Variants in CALD1 observed in about 807,000 individuals in gnomAD.
The protein encoded by CALD1 is caldesmon.
CALD1 carries 33 observed loss-of-function variants against 99.9 expected under a neutral mutation model. The observed-to-expected ratio is 0.33, with a 90% CI of 0.25 to 0.44. The LOEUF is 0.44. Among genes scored for constraint, CALD1 ranks in the 20% least tolerant of loss-of-function variants. CALD1 has a pLI of 1.00. For synonymous variants in CALD1, 310 were observed against 325.0 expected, an observed-to-expected ratio of 0.95 and a Z score of 0.50; for missense variants, 861 against 962.1, an observed-to-expected ratio of 0.89 and a Z score of 1.39.
In CALD1 at chr7:134,933,876, G is replaced by C; in HGVS notation, c.1107G>C (p.Glu369Asp). 1 of 1,613,364 alleles carries C rather than the reference G, an allele frequency of 6.2e-7. No individual in the cohort carries two copies. The highest frequency in any genetic ancestry group is 2.2e-5 in the East Asian group (1 of 44,860). ...AGGAAGAGAAAAGGGCAGCAGAGGAGAGGCAAAGGGCCAGGGCAGAGGAGG... is the reference window on the plus strand; with the variant it reads ...AGGAAGAGAAAAGGGCAGCAGAGGACAGGCAAAGGGCCAGGGCAGAGGAGG... ...IKEEEKRAAE[E>D]RQRARAEEEE... is the part of the protein sequence containing the mutation. The change falls in exon 5 of 15, where the codon GAG becomes GAC. Residue 369 changes from glutamate to aspartate, a missense_variant. By Grantham distance (45) the Glu-to-Asp change is conservative. This residue lies in a region of CALD1 where 293 missense variants were observed against 262.7 expected (regional missense o/e 1.12). Transcript: ENST00000361675.
At chr7:134,888,344 T>C (rs1394559448) in intron 3 of CALD1, among the ~76,000 whole-genome samples, 2 of 152,220 alleles carry the variant, frequency 1.3e-5, no homozygotes, top group African/African-American at 4.8e-5. Flanking sequence ...GAATAGTCAT[T>C]AGTTCACTTC....
intron 3 of CALD1, chr7:134,891,264 C>T: frequency 2.0e-6 from 1 of 504,156 alleles, no homozygotes; most frequent in Non-Finnish European, 2.8e-6. Flanking sequence ...AGATCCTGGC[C>T]CTGACTACCC....
the CALD1 span, among the ~76,000 whole-genome samples, chr7:134,715,977 C>T: frequency 6.2e-4 from 94 of 152,050 alleles, no homozygotes; most frequent in Non-Finnish European, 1.2e-3. Flanking sequence ...TATTATTATA[C>T]TTTAAGTTTT....
At chr7:134,865,370 AGAG>A in intron 2 of CALD1, among the ~76,000 whole-genome samples, 1 of 151,972 alleles carries the variant, frequency 6.6e-6, no homozygotes, top group African/African-American at 2.4e-5. Flanking sequence ...CACACCACCG[AGAG>A]TCATACCACA....
chr7:134,720,073 C>A, the CALD1 span, among the ~76,000 whole-genome samples: 1 of 152,016 alleles, frequency 6.6e-6, no homozygotes, highest in Non-Finnish European at 1.5e-5. Flanking sequence ...TAGAATGTAG[C>A]CTTTGTAAAC....
intron 13 of CALD1, chr7:134,962,896 T>C: frequency 2.2e-6 from 1 of 456,698 alleles, no homozygotes; most frequent in Non-Finnish European, 4.4e-6. Context: ...CTCCCTCTTC[T>C]TCCGGAGTGG....
chr7:134,843,400 A>G (rs1799728019), intron 1 of CALD1, among the ~76,000 whole-genome samples: 1 of 152,178 alleles, frequency 6.6e-6, no homozygotes, highest in African/African-American at 2.4e-5. Context: ...TCTGAAGACA[A>G]ACTCCACTGT....
At chr7:134,745,407 T>C (rs1179013679) in intron 1 of CALD1, 1 of 152,122 alleles carries the variant, frequency 6.6e-6, no homozygotes, top group African/African-American at 2.4e-5. Flanking sequence ...AGAAATTGGG[T>C]GGGGCCAGTT....
At chr7:134,750,425 C>G (rs1796675937) in intron 1 of CALD1, among the ~76,000 whole-genome samples, 1 of 152,202 alleles carries the variant, frequency 6.6e-6, no homozygotes, top group African/African-American at 2.4e-5. Flanking sequence ...CGTCCCAAGA[C>G]ACAAGTTTCT....
At chr7:134,770,585 T>C (rs991207074) in intron 1 of CALD1, among the ~76,000 whole-genome samples, 1 of 152,140 alleles carries the variant, frequency 6.6e-6, no homozygotes, top group Non-Finnish European at 1.5e-5. Flanking sequence ...GTATCTCAAA[T>C]CTCCCTGTCT....
At position 134,960,519 on chromosome 7, in the gene CALD1, T is replaced by C; in HGVS notation, c.2200-14T>C. On this transcript the variant is annotated splice_polypyrimidine_tract_variant and intron_variant, in intron 12 of 14. Transcript: ENST00000361675. ...CTTCATTCTTTAATATTTTGGATGA[T>C]TGCCCCTTTGTAGGAAACTGCTGGC... 6.5e-7 allele frequency: 1 copy of C among 1,531,672 alleles called. No individual in the cohort carries two copies. The allele number at this position is 1,531,672 out of a possible 1,614,324, so 94.9% of individuals were successfully genotyped here. A position where few individuals can be genotyped will look rare whatever the true frequency, so the allele number is the denominator to read the frequency against.
chr7:134,864,620 G>A (rs545439724), intron 2 of CALD1, among the ~76,000 whole-genome samples: 4 of 152,108 alleles, frequency 2.6e-5, no homozygotes, highest in South Asian at 2.1e-4. Flanking sequence ...GGCTGGTCTC[G>A]AACTCCTGAC....
At chr7:134,812,340 G>A (rs182823647) in intron 1 of CALD1, among the ~76,000 whole-genome samples, 1 of 152,260 alleles carries the variant, frequency 6.6e-6, no homozygotes, top group East Asian at 1.9e-4. Context: ...TCGAGTTCTT[G>A]TAACTACTTC....
rs556005818 is a variant in CALD1 at position 134,951,572 on chromosome 7, T to C, written c.1935+1058T>C. Among the ~76,000 whole-genome samples the C allele has an allele frequency of 4.6e-5, 7 of 152,346 alleles. 1 individual carries two copies. Among genetic ancestry groups the C allele is most frequent in the East Asian group, 1.9e-4 (1 of 5,186 alleles). On this transcript the variant is annotated intron_variant, in intron 9 of 14. Transcript: ENST00000361675. Reference sequence around the variant, plus strand: ...GGTGCAAATTTTAAAGCAATTATTATGGGAGGAGGTGAAATGTGACTTGGA... The same window carrying C: ...GGTGCAAATTTTAAAGCAATTATTACGGGAGGAGGTGAAATGTGACTTGGA...
intron 3 of CALD1, among the ~76,000 whole-genome samples, chr7:134,922,123 A>T (rs913000716): frequency 1.3e-5 from 2 of 152,200 alleles, no homozygotes; most frequent in Admixed American, 1.3e-4. Context: ...TGCAAATCCA[A>T]ACTTGATTAA....
At chr7:134,716,577 A>T in the CALD1 span, among the ~76,000 whole-genome samples, 4 of 152,226 alleles carry the variant, frequency 2.6e-5, no homozygotes, top group African/African-American at 9.6e-5. Flanking sequence ...GCAAAAATAT[A>T]AGCAAAAATA....
At chr7:134,857,076 C>G (rs1800332573) in intron 2 of CALD1, among the ~76,000 whole-genome samples, 1 of 151,382 alleles carries the variant, frequency 6.6e-6, no homozygotes, top group Non-Finnish European at 1.5e-5. Context: ...ACTAAGTGCT[C>G]CAATAGAAAT....
At chr7:134,805,894 G>A (rs1798118453) in intron 1 of CALD1, among the ~76,000 whole-genome samples, 1 of 152,162 alleles carries the variant, frequency 6.6e-6, no homozygotes, top group African/African-American at 2.4e-5. Context: ...CCGAGTAGCT[G>A]GGACTATAGA....
chr7:134,867,818 G>A lies in CALD1; in HGVS notation c.71+14G>A. 6.4e-7 allele frequency: 1 copy of A among 1,558,716 alleles called. No homozygotes were observed. Among genetic ancestry groups the A allele is most frequent in the Non-Finnish European group, 8.8e-7 (1 of 1,135,052 alleles). On this transcript the variant is annotated intron_variant, in intron 3 of 14. Coordinates refer to ENST00000361675, the MANE Select transcript of CALD1 (RefSeq NM_033138.4). ...CGAAGCAGAAAGGTAAGGATCTAGG[G>A]TGAAAAATACTTGTATTCCCTTATT...
Sources: gnomAD v4.1 joint callset for allele counts (sites outside exome capture counted in the v4.1 genomes callset) on GRCh38, gnomAD v4.1.1 for gene constraint, gnomAD v4.1.1 regional missense constraint, MANE v1.5 for transcripts, NCBI Gene and HGNC (gene_info 2026-07-23, HGNC 2026-07-21) for gene names.